DPRX: variants seen among roughly 807,000 people sequenced by gnomAD.
The protein encoded by DPRX is divergent-paired related homeobox.
DPRX carries 11 observed loss-of-function variants against 8.4 expected under a neutral mutation model. That is an observed-to-expected ratio of 1.31 (90% CI 0.82 to 2.17). DPRX has a LOEUF of 2.17. Among genes scored for constraint, DPRX ranks in the 30% most tolerant of loss-of-function variants. DPRX has a pLI of 0.00. For missense variants in DPRX, 211 were observed against 236.7 expected (o/e 0.89, Z 0.71); for synonymous variants, 72 against 87.0 (o/e 0.83, Z 0.96).
the DPRX span, among the ~76,000 whole-genome samples, chr19:53,623,318 T>A: frequency 0.01 from 1,321 of 130,598 alleles, 22 homozygotes; most frequent in African/African-American, 0.038. Context: ...AAAAAATAAA[T>A]AAATAAATAA....
chr19:53,625,419 C>T, the DPRX span, among the ~76,000 whole-genome samples: 1 of 152,076 alleles, frequency 6.6e-6, no homozygotes, highest in African/African-American at 2.4e-5. Context: ...ACAGCTCATG[C>T]TATTAGGCAC....
At chr19:53,601,766 G>T in the DPRX span, among the ~76,000 whole-genome samples, 1 of 152,098 alleles carries the variant, frequency 6.6e-6, no homozygotes, top group Non-Finnish European at 1.5e-5. Flanking sequence ...ACAGGTGTGA[G>T]CCACCTCACC....
the DPRX span, among the ~76,000 whole-genome samples, chr19:53,614,565 T>G: frequency 6.6e-6 from 1 of 152,152 alleles, no homozygotes; most frequent in Non-Finnish European, 1.5e-5. Flanking sequence ...AAAAAAATTT[T>G]TAATGAAACA....
intron 1 of DPRX, among the ~76,000 whole-genome samples, chr19:53,632,588 C>T (rs1015338881): frequency 2.0e-4 from 30 of 151,958 alleles, no homozygotes; most frequent in African/African-American, 7.0e-4. Context: ...GGGTGACAGG[C>T]GTGAGCCACT....
chr19:53,618,332 C>A, the DPRX span, among the ~76,000 whole-genome samples: 1 of 151,878 alleles, frequency 6.6e-6, no homozygotes, highest in Non-Finnish European at 1.5e-5. Flanking sequence ...AGCTGGTCAG[C>A]TTTACCTACG....
At chr19:53,610,204 C>T in the DPRX span, among the ~76,000 whole-genome samples, 1 of 143,684 alleles carries the variant, frequency 7.0e-6, no homozygotes, top group Non-Finnish European at 1.5e-5. Flanking sequence ...CCTGTAATCC[C>T]AGCTACTCAG....
chr19:53,623,184 G>A, the DPRX span, among the ~76,000 whole-genome samples: 1 of 151,972 alleles, frequency 6.6e-6, no homozygotes, highest in Non-Finnish European at 1.5e-5. Context: ...GCAGGCGCCT[G>A]TAGTCCCAGC....
the DPRX span, among the ~76,000 whole-genome samples, chr19:53,616,303 C>T: frequency 2.2e-4 from 33 of 152,072 alleles, no homozygotes; most frequent in Non-Finnish European, 2.9e-4. Flanking sequence ...GTTTCCCTAG[C>T]GTGAAGACAT....
the DPRX span, chr19:53,606,010 T>C: frequency 1.3e-5 from 2 of 151,908 alleles, no homozygotes; most frequent in African/African-American, 4.9e-5. The surrounding 1 kb of genome is among the most constrained non-coding windows in gnomAD (Gnocchi z 4.8). Flanking sequence ...ACTTTTGTAA[T>C]AGCCAACTTT....
chr19:53,618,612 C>A, the DPRX span, among the ~76,000 whole-genome samples: 1 of 111,320 alleles, frequency 9.0e-6, no homozygotes, highest in Admixed American at 9.3e-5. Context: ...AAGACCCCAT[C>A]TCTAAAAAAA....
In DPRX at chr19:53,634,450, T is replaced by TGGAAA. The variant is rs1734618236; in HGVS notation, c.29-69_29-65dup. Reference sequence around the variant, plus strand: ...ACTTGATCATCACGTTGTACCTCAGTGGAAAGGAAAGGAAAGCTCAGGCTT... The same window carrying TGGAAA: ...ACTTGATCATCACGTTGTACCTCAGTGGAAAGGAAAGGAAAGGAAAGCTCAGGCTT... On this transcript the variant is annotated intron_variant, in intron 1 of 2. Transcript: ENST00000376650. 6.6e-6 allele frequency: 10 copies of TGGAAA among 1,517,208 alleles called. No homozygotes were observed. In the South Asian group the frequency reaches 1.3e-4, roughly 20 times the overall value. 94.0% of individuals were successfully genotyped at this position (1,517,208 alleles called of 1,614,324 possible).
At chr19:53,631,720 A>G (rs2091093456), upstream of DPRX, among the ~76,000 whole-genome samples, 1 of 152,090 alleles carries the variant, frequency 6.6e-6, no homozygotes, top group African/African-American at 2.4e-5. Flanking sequence ...AGATGGTGTC[A>G]TTGCGCTCCA....
At chr19:53,620,807 T>C in the DPRX span, among the ~76,000 whole-genome samples, 1 of 152,216 alleles carries the variant, frequency 6.6e-6, no homozygotes, top group African/African-American at 2.4e-5. Context: ...TTGCCCAGGC[T>C]GGTCTCGAAT....
upstream of DPRX, among the ~76,000 whole-genome samples, chr19:53,631,501 T>C (rs540834793): frequency 2.1e-3 from 323 of 152,124 alleles, 1 homozygote; most frequent in African/African-American, 7.2e-3. Flanking sequence ...TTGTTAGATA[T>C]GGAAATCATC....
the DPRX span, among the ~76,000 whole-genome samples, chr19:53,610,408 A>G: frequency 6.6e-6 from 1 of 152,112 alleles, no homozygotes; most frequent in African/African-American, 2.4e-5. Flanking sequence ...ATCATTACCT[A>G]CTCCATTCAT....
chr19:53,611,182 G>A, the DPRX span, among the ~76,000 whole-genome samples: 7 of 152,082 alleles, frequency 4.6e-5, no homozygotes, highest in East Asian at 1.9e-4. Flanking sequence ...GATTACAGGC[G>A]CGAGCCACAG....
chr19:53,608,235 TAAA>T, the DPRX span: 8 of 146,670 alleles, frequency 5.5e-5, no homozygotes, highest in South Asian at 2.2e-4. Context: ...AATTAAAAAA[TAAA>T]AAAAAATAAA....
At chr19:53,601,961 C>G in the DPRX span, 1 of 452,190 alleles carries the variant, frequency 2.2e-6, no homozygotes, top group Non-Finnish European at 4.4e-6. Flanking sequence ...AGTCCACTGA[C>G]TCAGGAGGGT....
At chr19:53,636,134 G>A (rs1001794746) in intron 2 of DPRX, among the ~76,000 whole-genome samples, 1 of 152,096 alleles carries the variant, frequency 6.6e-6, no homozygotes, top group Non-Finnish European at 1.5e-5. Flanking sequence ...TTGGGAGGCC[G>A]AGGTGGGCGG....
Sources: gnomAD v4.1 joint callset for allele counts (sites outside exome capture counted in the v4.1 genomes callset) on GRCh38, gnomAD v4.1.1 for gene constraint, Gnocchi (gnomAD v3.1) non-coding constraint, MANE v1.5 for transcripts, NCBI Gene and HGNC (gene_info 2026-07-23, HGNC 2026-07-21) for gene names.